Variants in AFF3 observed in about 807,000 individuals in gnomAD.
AFF3 encodes AF4/FMR2 family member 3.
AFF3 carries 32 observed loss-of-function variants against 129.7 expected under a neutral mutation model. The ratio of observed to expected loss-of-function variants is 0.25; its 90% confidence interval spans 0.19 to 0.33. The LOEUF (loss-of-function observed/expected upper bound fraction) is 0.33. Among genes scored for constraint, AFF3 ranks in the 10% least tolerant of loss-of-function variants. The pLI is 1.00. For missense variants in AFF3, 1,373 were observed against 1,592.0 expected (o/e 0.86, Z 2.34); for synonymous variants, 644 against 635.4 (o/e 1.01, Z -0.20).
chr2:99,986,646 T>TA (rs1309905998), intron 7 of AFF3, among the ~76,000 whole-genome samples: 1 of 152,202 alleles, frequency 6.6e-6, no homozygotes, highest in African/African-American at 2.4e-5. Context: ...AAAAATGACT[T>TA]ATTATACTGT....
chr2:100,043,334 A>G (rs1062143), intron 4 of AFF3, among the ~76,000 whole-genome samples: 80,332 of 152,010 alleles, frequency 0.53, 21,803 homozygotes, highest in African/African-American at 0.64. Flanking sequence ...GGCATGGTGC[A>G]GGATGCCTGT....
intron 7 of AFF3, among the ~76,000 whole-genome samples, chr2:99,923,841 C>T (rs915471915): frequency 2.0e-5 from 3 of 151,792 alleles, no homozygotes; most frequent in Non-Finnish European, 4.4e-5. Context: ...TAGAGAGTCA[C>T]GGTGTATAAT....
intron 7 of AFF3, among the ~76,000 whole-genome samples, chr2:99,926,841 C>T (rs1391696327): frequency 6.6e-6 from 1 of 152,008 alleles, no homozygotes; most frequent in Non-Finnish European, 1.5e-5. Context: ...CTTATGTTAA[C>T]AGATTAAAAA....
chr2:99,837,774 C>T (rs1326295249), intron 7 of AFF3, among the ~76,000 whole-genome samples: 1 of 152,058 alleles, frequency 6.6e-6, no homozygotes, highest in Non-Finnish European at 1.5e-5. Flanking sequence ...GCCCCTCCAA[C>T]CACCCTACTT....
Position 99,601,549 on chromosome 2 carries a change from G to T in AFF3, c.1257C>A (p.Ser419Arg). Residue 419 changes from serine to arginine, a missense_variant, in exon 14 of 25, where the codon AGC becomes AGA. Physicochemically the swap from Ser to Arg is moderately radical, Grantham distance 110. This residue lies in a region of AFF3 where 413 missense variants were observed against 424.4 expected (regional missense o/e 0.97). Coordinates refer to ENST00000672756, the MANE Select transcript of AFF3 (RefSeq NM_001386135.1). ...AGTCGCTGGAGGAGCTGCTGCTGCC[G>T]CTGCTGCTGCTGCTGCTGCTGCCCT... ...SSKGSSSSSS[S>R]GSSSSSSDSE... is the part of the protein sequence containing the mutation. 1 of 1,490,312 alleles carries T rather than the reference G, an allele frequency of 6.7e-7. No homozygotes were observed. The allele number at this position is 1,490,312 out of a possible 1,614,324, so 92.3% of individuals were successfully genotyped here.
chr2:99,599,699 A>T (rs756626866), intron 14 of AFF3, among the ~76,000 whole-genome samples: 1 of 152,172 alleles, frequency 6.6e-6, no homozygotes, highest in East Asian at 1.9e-4. Context: ...CACAGACACA[A>T]ACAGTTTTTG....
intron 7 of AFF3, among the ~76,000 whole-genome samples, chr2:99,863,273 A>G (rs970522914): frequency 2.0e-5 from 3 of 152,258 alleles, no homozygotes; most frequent in Non-Finnish European, 4.4e-5. Context: ...TAAAAGGATA[A>G]CTATTTCAGA....
At chr2:99,782,562 A>G (rs1368436869) in intron 8 of AFF3, among the ~76,000 whole-genome samples, 1 of 152,222 alleles carries the variant, frequency 6.6e-6, no homozygotes, top group African/African-American at 2.4e-5. Flanking sequence ...GACCTGCAAC[A>G]CTGGTTCTCA....
At chr2:99,929,447 CAGAA>C (rs1329318908) in intron 7 of AFF3, among the ~76,000 whole-genome samples, 1 of 152,220 alleles carries the variant, frequency 6.6e-6, no homozygotes, top group Non-Finnish European at 1.5e-5. Context: ...GCTCCAGCAA[CAGAA>C]AGAACCTAAT....
intron 15 of AFF3, 118 bp from the exon 16 acceptor site, chr2:99,587,396 G>A (rs1410299034): frequency 2.4e-6 from 3 of 1,237,056 alleles, no homozygotes; most frequent in South Asian, 1.5e-5. Flanking sequence ...TGGCTTCCCC[G>A]AAGCACAGCC....
intron 7 of AFF3, among the ~76,000 whole-genome samples, chr2:99,890,661 G>A (rs748644221): frequency 3.9e-5 from 6 of 152,038 alleles, no homozygotes; most frequent in African/African-American, 9.7e-5. Flanking sequence ...CTACCCCTCC[G>A]TGCCCCTGTC....
rs757497907 is a variant in AFF3 at position 99,551,487 on chromosome 2, G to A, written c.3668C>T (p.Ala1223Val). The change falls in exon 25 of 25, where the codon GCC becomes GTC. Residue 1223 changes from alanine (A) to valine (V), a missense_variant. Transcript: ENST00000672756. ...AGGGTGAGGTCCCTATGACAGGTGG[G>A]CGCTGTTCCGCAGCCAGTGCAGGCC... ...QQGLHWLRNS[A>V]HLS The A allele has an allele frequency of 1.2e-6, 2 of 1,614,096 alleles. No homozygotes were observed. Among genetic ancestry groups the A allele is most frequent in the Non-Finnish European group, 1.7e-6 (2 of 1,180,010 alleles).
chr2:99,951,190 T>C (rs983194004), intron 7 of AFF3, among the ~76,000 whole-genome samples: 4 of 152,246 alleles, frequency 2.6e-5, no homozygotes, highest in Non-Finnish European at 5.9e-5. Context: ...ATAAAAATTA[T>C]GTGGTTTCCC....
chr2:100,123,481 G>T (rs1692063643), intron 2 of AFF3, among the ~76,000 whole-genome samples: 1 of 152,106 alleles, frequency 6.6e-6, no homozygotes, highest in Admixed American at 6.6e-5. Context: ...AAATGTGTTG[G>T]GTTTGTAGAA....
intron 4 of AFF3, among the ~76,000 whole-genome samples, chr2:100,056,082 C>T (rs1686762202): frequency 2.6e-5 from 4 of 151,208 alleles, no homozygotes; most frequent in Admixed American, 2.6e-4. Flanking sequence ...CACACACACA[C>T]ACACACACAC....
rs1012841965 is a variant in AFF3 at position 99,796,529 on chromosome 2, C to T, written c.921+40948G>A. On this transcript the variant is annotated intron_variant, in intron 8 of 24. Coordinates refer to ENST00000672756, the MANE Select transcript of AFF3 (RefSeq NM_001386135.1). Reference sequence around the variant, plus strand: ...TGTATGACTGCCCCAGCTTACTGCACTAAGAACTTCTGGGCTATAGCACAG... The same window carrying T: ...TGTATGACTGCCCCAGCTTACTGCATTAAGAACTTCTGGGCTATAGCACAG... Among the ~76,000 whole-genome samples, 5 of 152,130 alleles carry T rather than the reference C, an allele frequency of 3.3e-5. No homozygotes were observed. The South Asian group carries it at 6.2e-4, about 19-fold the overall frequency.
At chr2:99,921,572 T>A (rs901841076) in intron 7 of AFF3, among the ~76,000 whole-genome samples, 3 of 152,166 alleles carry the variant, frequency 2.0e-5, no homozygotes, top group African/African-American at 7.2e-5. Context: ...GAAGGAAGTG[T>A]ACGTAGGCAC....
intron 4 of AFF3, among the ~76,000 whole-genome samples, chr2:100,045,521 TCAA>T (rs1389676183): frequency 6.6e-6 from 1 of 151,984 alleles, no homozygotes; most frequent in Non-Finnish European, 1.5e-5. Flanking sequence ...AGTTGATCCT[TCAA>T]CAACATGGAT....
intron 22 of AFF3, among the ~76,000 whole-genome samples, chr2:99,556,140 C>T (rs1304018623): frequency 6.6e-6 from 1 of 152,112 alleles, no homozygotes; most frequent in Non-Finnish European, 1.5e-5. Context: ...CAGAAACAGT[C>T]CAGTAAAGGC....
Sources: gnomAD v4.1 joint callset for allele counts (sites outside exome capture counted in the v4.1 genomes callset) on GRCh38, gnomAD v4.1.1 for gene constraint, gnomAD v4.1.1 regional missense constraint, MANE v1.5 for transcripts, NCBI Gene and HGNC (gene_info 2026-07-23, HGNC 2026-07-21) for gene names.